The following MS4A4E variants were observed in gnomAD, a reference collection of about 807,000 sequenced individuals.
MS4A4E encodes putative membrane-spanning 4-domains subfamily A member 4E.
Under a neutral mutation model 13.3 loss-of-function variants are expected in MS4A4E, and 23 were observed. The observed-to-expected ratio is 1.73, with a 90% CI of 1.25 to 2.45. The LOEUF is 2.45. Among genes scored for constraint, MS4A4E ranks in the 30% most tolerant of loss-of-function variants. MS4A4E has a pLI of 0.00. For missense variants in MS4A4E, 144 were observed against 131.2 expected (o/e 1.10, Z -0.48); for synonymous variants, 36 against 45.6 (o/e 0.79, Z 0.85).
At chr11:60,228,772 A>G (rs1045606533) in intron 2 of MS4A4E, 145 bp from the exon 3 acceptor site, 1 of 446,156 alleles carries the variant, frequency 2.2e-6, no homozygotes, top group Non-Finnish European at 3.9e-6. Flanking sequence ...TAAATGAGCT[A>G]TTAAGCCATA....
intron 2 of MS4A4E, 23 bp downstream of exon 2, chr11:60,229,889 T>A (rs763726845): frequency 1.3e-6 from 2 of 1,576,818 alleles, no homozygotes; most frequent in Non-Finnish European, 1.7e-6. Flanking sequence ...ATTGGTCTTC[T>A]CCCAGATTTG....
At chr11:60,236,895 C>T (rs1424173128) in intron 1 of MS4A4E, among the ~76,000 whole-genome samples, 1 of 152,168 alleles carries the variant, frequency 6.6e-6, no homozygotes, top group South Asian at 2.1e-4. Context: ...CACCACCACG[C>T]CCGGCTAATT....
intron 1 of MS4A4E, among the ~76,000 whole-genome samples, chr11:60,234,008 TA>T (rs1440067295): frequency 2.6e-5 from 4 of 152,376 alleles, no homozygotes; most frequent in Admixed American, 2.0e-4. Context: ...ATTTAAAACA[TA>T]ATTCTGTTTT....
chr11:60,223,478 C>T (rs985514065), intron 3 of MS4A4E, among the ~76,000 whole-genome samples: 6 of 151,980 alleles, frequency 3.9e-5, no homozygotes, highest in African/African-American at 9.7e-5. Flanking sequence ...TGTGTGGGTT[C>T]AGGTTGACAA....
chr11:60,206,710 C>A, intron 6 of MS4A4E: 1 of 232,872 alleles, frequency 4.3e-6, no homozygotes, highest in South Asian at 7.9e-5. Context: ...GATGCTATTT[C>A]TGCCATGTGA....
rs114672260 is a variant in MS4A4E at position 60,230,874 on chromosome 11, A to T, written c.-16-803T>A. On this transcript the variant is annotated intron_variant, in intron 1 of 8. Coordinates refer to ENST00000651255, the MANE Select transcript of MS4A4E (RefSeq NM_001393391.1). ...TCATGGCCCACTTCCATAAAATTTT[A>T]GGGAAGTGAAGCTTGCTAATATCCT... is the stretch of plus-strand genomic sequence containing the variant. Among the ~76,000 whole-genome samples, 889 of 152,314 alleles carry T rather than the reference A, an allele frequency of 5.8e-3. 5 individuals are homozygous for T. Among genetic ancestry groups the T allele is most frequent in the African/African-American group, 0.019 (801 of 41,572 alleles).
chr11:60,218,008 G>A (rs2084218266), intron 3 of MS4A4E, among the ~76,000 whole-genome samples: 1 of 152,192 alleles, frequency 6.6e-6, no homozygotes, highest in Non-Finnish European at 1.5e-5. Context: ...AAAAGCAAAT[G>A]GGAGAAAGAT....
intron 6 of MS4A4E, among the ~76,000 whole-genome samples, chr11:60,207,396 T>A (rs2084061901): frequency 1.3e-5 from 2 of 152,198 alleles, no homozygotes; most frequent in Admixed American, 6.5e-5. Context: ...CTTCACTTGA[T>A]GAAATTACAA....
intron 1 of MS4A4E, among the ~76,000 whole-genome samples, chr11:60,237,355 G>A (rs621965): frequency 0.4 from 60,898 of 152,068 alleles, 12,651 homozygotes; most frequent in East Asian, 0.41. Context: ...CTATTGATGG[G>A]CATTTAAGTT....
intron 1 of MS4A4E, among the ~76,000 whole-genome samples, chr11:60,234,882 T>TA (rs5792177): frequency 0.33 from 48,389 of 145,216 alleles, 8,708 homozygotes; most frequent in South Asian, 0.5. Context: ...TGGCTGAATT[T>TA]AAAAAAAAAA....
chr11:60,228,756 TA>T (rs1448567005), intron 2 of MS4A4E, 129 bp from the exon 3 acceptor site: 3 of 456,248 alleles, frequency 6.6e-6, no homozygotes, highest in Non-Finnish European at 1.2e-5. Flanking sequence ...TATTCAGTAC[TA>T]AAAATAAATG....
intron 6 of MS4A4E, among the ~76,000 whole-genome samples, chr11:60,207,354 A>T (rs955085272): frequency 1.2e-4 from 18 of 152,194 alleles, no homozygotes; most frequent in Non-Finnish European, 5.9e-5. Context: ...GCCAAAGGGA[A>T]CACAGACTTA....
intron 5 of MS4A4E, among the ~76,000 whole-genome samples, chr11:60,209,901 T>A (rs903472344): frequency 2.6e-5 from 4 of 152,256 alleles, no homozygotes; most frequent in Non-Finnish European, 5.9e-5. Flanking sequence ...TTCATTGCTT[T>A]TTTATTTTCT....
intron 3 of MS4A4E, among the ~76,000 whole-genome samples, chr11:60,225,478 T>G (rs2084329413): frequency 6.6e-6 from 1 of 152,024 alleles, no homozygotes; most frequent in Non-Finnish European, 1.5e-5. Flanking sequence ...AAGGAGTGTA[T>G]ACAAGGGAAG....
intron 2 of MS4A4E, 67 bp downstream of exon 2, chr11:60,229,845 C>G: frequency 6.7e-7 from 1 of 1,485,500 alleles, no homozygotes; most frequent in South Asian, 1.2e-5. Context: ...GTGTATTGGG[C>G]ATTAGCTCTG....
chr11:60,221,841 C>T (rs1055898905), intron 3 of MS4A4E, among the ~76,000 whole-genome samples: 3 of 152,174 alleles, frequency 2.0e-5, no homozygotes, highest in Admixed American at 6.5e-5. Flanking sequence ...GCTTATCAAA[C>T]GGTGACCTCA....
chr11:60,212,363 G>T (rs1282167534), intron 5 of MS4A4E, among the ~76,000 whole-genome samples: 1 of 145,708 alleles, frequency 6.9e-6, no homozygotes, highest in African/African-American at 2.6e-5. Context: ...AGGCCAGACT[G>T]CAGTGGCACT....
chr11:60,213,391 A>G (rs1381893894), intron 4 of MS4A4E: 1 of 1,236,582 alleles, frequency 8.1e-7, no homozygotes, highest in East Asian at 2.5e-5. Context: ...GATTTTTTAC[A>G]CATTAGCTGG....
chr11:60,241,126 C>T (rs1194470569), intron 1 of MS4A4E, among the ~76,000 whole-genome samples: 1 of 152,178 alleles, frequency 6.6e-6, no homozygotes, highest in Non-Finnish European at 1.5e-5. Context: ...CGGGTTCACG[C>T]CATTCTCCTG....
Sources: gnomAD v4.1 joint callset for allele counts (sites outside exome capture counted in the v4.1 genomes callset) on GRCh38, gnomAD v4.1.1 for gene constraint, MANE v1.5 for transcripts, NCBI Gene and HGNC (gene_info 2026-07-23, HGNC 2026-07-21) for gene names.